The following RPS24 variants were observed in gnomAD, a reference collection of about 807,000 sequenced individuals.
RPS24 encodes the protein small ribosomal subunit protein eS24.
For synonymous variants in RPS24, 72 were observed against 55.6 expected, an observed-to-expected ratio of 1.30 and a Z score of -1.31; for missense variants, 100 against 162.5, an observed-to-expected ratio of 0.62 and a Z score of 2.09.
At chr10:78,037,797 C>A in intron 4 of RPS24, 1 of 430,270 alleles carries the variant, frequency 2.3e-6, no homozygotes, top group Non-Finnish European at 3.9e-6. Flanking sequence ...CGATAAGCAG[C>A]TTTTTACCAG....
In RPS24 at chr10:78,040,191, G is replaced by A. The variant is rs1421988106; in HGVS notation, c.391-13G>A. On this transcript the variant is annotated splice_polypyrimidine_tract_variant and intron_variant, in intron 4 of 5. Transcript: ENST00000372360. ...CCTCCTTTCTCTTTTTCCCTTCCCC[G>A]CCACTGATTCAGTGAGCTGGAGATT... 14 of 1,612,672 alleles carry A rather than the reference G, an allele frequency of 8.7e-6. No individual in the cohort carries two copies. The South Asian group carries it at 9.9e-5, about 11-fold the overall frequency.
At chr10:78,038,347 C>G in intron 4 of RPS24, 1 of 161,826 alleles carries the variant, frequency 6.2e-6, no homozygotes, top group Non-Finnish European at 1.3e-5. Flanking sequence ...TCAGTTAACA[C>G]TGGGCTTGGG....
At position 78,035,435 on chromosome 10, in the gene RPS24, A is replaced by G; in HGVS notation, c.69+18A>G. On this transcript the variant is annotated intron_variant, in intron 2 of 5. Transcript: ENST00000372360. ...AACAAATGGTAAGGAAGGGCACATC[A>G]ATCTTTGCTTAATTGTCCTTTACTC... The G allele has an allele frequency of 2.5e-6, 4 of 1,613,794 alleles. No individual in the cohort carries two copies. The highest frequency in any genetic ancestry group is 3.4e-6 in the Non-Finnish European group (4 of 1,179,654).
At chr10:78,044,126 A>G (rs560274207), downstream of RPS24, among the ~76,000 whole-genome samples, 5 of 152,274 alleles carry the variant, frequency 3.3e-5, no homozygotes, top group African/African-American at 7.2e-5. Context: ...CTTGGTGTAG[A>G]TAGGGTTTGC....
downstream of RPS24, among the ~76,000 whole-genome samples, chr10:78,041,238 G>T (rs186617692): frequency 2.0e-5 from 3 of 152,154 alleles, no homozygotes; most frequent in South Asian, 6.2e-4. Flanking sequence ...AAGCAATACC[G>T]TGAAGGCAGA....
exon 5 of RPS24, chr10:78,055,220 C>T: frequency 1.5e-6 from 1 of 646,376 alleles, no homozygotes. Flanking sequence ...GGCCACTGGC[C>T]TCCCACCACC....
rs1441629717 is a variant in RPS24 at position 78,040,661 on chromosome 10, G to T, written c.*66G>T. 1 of 1,614,106 alleles carries T rather than the reference G, an allele frequency of 6.2e-7. No homozygotes were observed. Among genetic ancestry groups the T allele is most frequent in the Non-Finnish European group, 8.5e-7 (1 of 1,179,980 alleles). On this transcript the variant is annotated 3_prime_UTR_variant, in exon 6 of 6. Transcript: ENST00000372360. ...AATGATGTTAGCTGTGGCCACTGTGGATTTTTCGCAAGAACATTAATAAAC... is the reference window on the plus strand; with the variant it reads ...AATGATGTTAGCTGTGGCCACTGTGTATTTTTCGCAAGAACATTAATAAAC...
intron 4 of RPS24, among the ~76,000 whole-genome samples, chr10:78,046,439 A>G (rs985389562): frequency 3.4e-5 from 5 of 147,600 alleles, no homozygotes; most frequent in South Asian, 2.1e-4. Context: ...GCTCACTGCA[A>G]CCTCCACCTT....
rs547072810 is a variant in RPS24, at chr10:78,051,497, GTGT to G, written c.391-3029_391-3027del. Among the ~76,000 whole-genome samples the G allele has an allele frequency of 4.6e-5, 7 of 152,296 alleles. No individual in the cohort carries two copies. In the South Asian group the frequency reaches 1.5e-3, roughly 32 times the overall value. On this transcript the variant is annotated intron_variant, in intron 4 of 4. Coordinates refer to the RPS24 transcript ENST00000440692. ...CGTCAACATCAGTTGATGGATATTT[GTGT>G]TGTTTCTGCTTTTTGGCTATTCTGA...
At chr10:78,040,748 G>A, downstream of RPS24, 2 of 1,340,752 alleles carry the variant, frequency 1.5e-6, no homozygotes, top group Non-Finnish European at 2.1e-6. Context: ...CTGCTAGGAG[G>A]TTAGTCTGCT....
At position 78,037,698 on chromosome 10, in the gene RPS24, T is replaced by C. The variant is rs149734563; in HGVS notation, c.390+394T>C. On this transcript the variant is annotated intron_variant, in intron 4 of 5. Coordinates refer to ENST00000372360, the MANE Select transcript of RPS24 (RefSeq NM_033022.4). ...CTGGTTTAAGAAGCAGTTGGATCAATGTGGCCCGTGTTTTCCTGGCACACT... is the reference window on the plus strand; with the variant it reads ...CTGGTTTAAGAAGCAGTTGGATCAACGTGGCCCGTGTTTTCCTGGCACACT... 8.4e-4 allele frequency: 284 copies of C among 338,576 alleles called. 1 individual carries two copies. In the East Asian group the frequency reaches 0.013, roughly 16 times the overall value. 21.0% of individuals were successfully genotyped at this position (338,576 alleles called of 1,614,324 possible).
Position 78,054,799 on chromosome 10 carries a change from C to T in RPS24, c.659C>T (p.Ala220Val), listed in dbSNP as rs530358175. 5.3e-5 allele frequency: 83 copies of T among 1,551,656 alleles called. No individual in the cohort carries two copies. The African/African-American group carries it at 6.4e-4, about 12-fold the overall frequency. ...GAGAGGGCACTGGTCAGAAACGGAG[C>T]CTTCATGTCGCCTGCCTCACCTGCT... is the stretch of plus-strand genomic sequence containing the variant. The change falls in exon 5 of 5, where the codon GCC (alanine) becomes GTC (valine). Residue 220 changes from alanine (A) to valine (V), a missense_variant. Transcript: ENST00000440692.
downstream of RPS24, among the ~76,000 whole-genome samples, chr10:78,041,916 G>C (rs574680701): frequency 1.3e-5 from 2 of 152,224 alleles, no homozygotes; most frequent in African/African-American, 2.4e-5. Context: ...AGGCTTTTCT[G>C]TTCAGCTGTG....
chr10:78,034,995 G>A (rs767357117), intron 1 of RPS24, among the ~76,000 whole-genome samples: 2 of 152,158 alleles, frequency 1.3e-5, no homozygotes, highest in Non-Finnish European at 2.9e-5. Context: ...TGGTTAGAGG[G>A]CTGGGATTTT....
chr10:78,037,463 T>C, intron 4 of RPS24, 159 bp downstream of exon 4: 2 of 1,230,466 alleles, frequency 1.6e-6, no homozygotes, highest in Non-Finnish European at 2.2e-6. Context: ...TAAGAAACTA[T>C]GTAGCATAGT....
At chr10:78,037,088 G>C in intron 3 of RPS24, 106 bp from the exon 4 acceptor site, 1 of 1,427,632 alleles carries the variant, frequency 7.0e-7, no homozygotes, top group Non-Finnish European at 9.5e-7. Flanking sequence ...TTTTGGTTTA[G>C]AAAGCTGTGT....
At chr10:78,049,013 G>A (rs995679417) in intron 4 of RPS24, 5 of 152,110 alleles carry the variant, frequency 3.3e-5, no homozygotes, top group African/African-American at 1.2e-4. Flanking sequence ...GAGCTCTTCA[G>A]TTCCTTTGGC....
chr10:78,044,552 AGGC>A (rs1285555782), downstream of RPS24, among the ~76,000 whole-genome samples: 1 of 152,014 alleles, frequency 6.6e-6, no homozygotes, highest in Non-Finnish European at 1.5e-5. Context: ...GCTGGCAGAG[AGGC>A]TCTCCTGGGT....
At chr10:78,045,504 TG>T (rs377495619), downstream of RPS24, among the ~76,000 whole-genome samples, 1,035 of 152,004 alleles carry the variant, frequency 6.8e-3, 6 homozygotes, top group African/African-American at 0.024. Context: ...TTTTGTGAGA[TG>T]GAGTGTTGCT....
Sources: allele counts gnomAD v4.1 joint callset (sites outside exome capture counted in the v4.1 genomes callset), GRCh38; gene constraint gnomAD v4.1.1; transcripts MANE v1.5; gene names NCBI Gene and HGNC (gene_info 2026-07-23, HGNC 2026-07-21).